Variants in FGF14 observed in about 807,000 individuals in gnomAD.
The protein encoded by FGF14 is fibroblast growth factor 14.
In FGF14, 5 loss-of-function variants were observed where a neutral mutation model predicts 25.5. The ratio of observed to expected loss-of-function variants is 0.20; its 90% CI spans 0.10 to 0.41. The LOEUF (loss-of-function observed/expected upper bound fraction) is 0.41. FGF14 is among the 10% of genes least tolerant of loss of function. The pLI is 1.00. For missense variants in FGF14, 222 were observed against 320.1 expected, an observed-to-expected ratio of 0.69 and a Z score of 2.34; for synonymous variants, 138 against 118.3, an observed-to-expected ratio of 1.17 and a Z score of -1.08.
At chr13:102,349,739 T>G (rs533791577) in intron 1 of FGF14, among the ~76,000 whole-genome samples, 1 of 152,354 alleles carries the variant, frequency 6.6e-6, no homozygotes, top group African/African-American at 2.4e-5. Context: ...TGGTTTTACC[T>G]AAATATAACA....
chr13:102,380,053 T>C (rs1396059990), intron 1 of FGF14, among the ~76,000 whole-genome samples: 1 of 152,012 alleles, frequency 6.6e-6, no homozygotes, highest in Non-Finnish European at 1.5e-5. Flanking sequence ...TAAGCAAAGG[T>C]AAATGTCCCT....
intron 1 of FGF14, among the ~76,000 whole-genome samples, chr13:101,975,841 T>G (rs933760348): frequency 2.6e-5 from 4 of 152,200 alleles, no homozygotes; most frequent in African/African-American, 9.7e-5. Flanking sequence ...CCTGTTTTTG[T>G]GACAGGAGAG....
intron 1 of FGF14, among the ~76,000 whole-genome samples, chr13:102,136,171 ATAT>A (rs773785530): frequency 6.6e-6 from 1 of 152,134 alleles, no homozygotes; most frequent in Non-Finnish European, 1.5e-5. Context: ...AACAATAAAA[ATAT>A]TATTCATATC....
At chr13:102,181,207 GTTC>G (rs2048659205) in intron 1 of FGF14, among the ~76,000 whole-genome samples, 1 of 152,096 alleles carries the variant, frequency 6.6e-6, no homozygotes, top group Non-Finnish European at 1.5e-5. Flanking sequence ...GATTTTCAGT[GTTC>G]TTATTATTAA....
At chr13:102,086,501 T>C (rs534666156) in intron 1 of FGF14, among the ~76,000 whole-genome samples, 3 of 152,136 alleles carry the variant, frequency 2.0e-5, no homozygotes, top group South Asian at 4.2e-4. Context: ...CTGCACTCCA[T>C]CCTGGGCGAC....
intron 1 of FGF14, among the ~76,000 whole-genome samples, chr13:102,278,627 A>AATATATATATATATATATATATAT (rs10578533): frequency 3.3e-4 from 48 of 147,502 alleles, no homozygotes; most frequent in African/African-American, 8.3e-4. Flanking sequence ...CATTTTATGT[A>AATATATATATATATATATATATAT]ATATATATAT....
chr13:101,948,642 T>C (rs956874515), intron 1 of FGF14, among the ~76,000 whole-genome samples: 1 of 151,852 alleles, frequency 6.6e-6, no homozygotes, highest in Non-Finnish European at 1.5e-5. Flanking sequence ...CAATACATAA[T>C]GCTTCCCAAT....
At chr13:101,772,457 T>TA (rs2038838919) in intron 3 of FGF14, among the ~76,000 whole-genome samples, 1 of 152,080 alleles carries the variant, frequency 6.6e-6, no homozygotes, top group Admixed American at 6.6e-5. Flanking sequence ...GATGATTAAT[T>TA]ATGTCTTGGG....
chr13:101,901,301 C>T (rs1249581321), intron 1 of FGF14, among the ~76,000 whole-genome samples: 1 of 152,134 alleles, frequency 6.6e-6, no homozygotes, highest in East Asian at 1.9e-4. Context: ...TGTCTCCCTC[C>T]CACTTCCCAA....
chr13:102,044,583 A>T (rs2041896160), intron 1 of FGF14, among the ~76,000 whole-genome samples: 1 of 152,152 alleles, frequency 6.6e-6, no homozygotes, highest in Admixed American at 6.6e-5. Context: ...GGTGGCTTGG[A>T]GATACTCTGA....
At chr13:101,893,913 A>T (rs1256135424) in intron 1 of FGF14, among the ~76,000 whole-genome samples, 1 of 151,610 alleles carries the variant, frequency 6.6e-6, no homozygotes, top group East Asian at 1.9e-4. Flanking sequence ...TTAGCATCTC[A>T]TGGGGAGGGT....
intron 1 of FGF14, among the ~76,000 whole-genome samples, chr13:102,157,982 C>A (rs2047428449): frequency 6.6e-6 from 1 of 152,320 alleles, no homozygotes; most frequent in African/African-American, 2.4e-5. Context: ...TACCATCTCA[C>A]ACCAGTTAGA....
chr13:101,915,517 A>G (rs1010439808), intron 1 of FGF14, among the ~76,000 whole-genome samples: 7 of 152,182 alleles, frequency 4.6e-5, no homozygotes, highest in African/African-American at 1.7e-4. Flanking sequence ...ATGCTCGCAA[A>G]ACAACCAGCC....
chr13:102,018,416 C>T (rs1256712552), intron 1 of FGF14, among the ~76,000 whole-genome samples: 1 of 152,064 alleles, frequency 6.6e-6, no homozygotes, highest in Non-Finnish European at 1.5e-5. Context: ...CCTTTCCTTC[C>T]TCTTCCTCCT....
At chr13:102,172,881 G>A (rs887829886) in intron 1 of FGF14, among the ~76,000 whole-genome samples, 3 of 152,292 alleles carry the variant, frequency 2.0e-5, no homozygotes, top group African/African-American at 7.2e-5. Flanking sequence ...ATACTGAAGT[G>A]TCAATGGACA....
chr13:102,021,234 A>G (rs2040634326), intron 1 of FGF14, among the ~76,000 whole-genome samples: 1 of 152,078 alleles, frequency 6.6e-6, no homozygotes, highest in Non-Finnish European at 1.5e-5. Flanking sequence ...GGAAGAGCAT[A>G]AGATGGATAG....
intron 3 of FGF14, among the ~76,000 whole-genome samples, chr13:101,784,659 C>T (rs1392007428): frequency 6.6e-6 from 1 of 152,096 alleles, no homozygotes; most frequent in Non-Finnish European, 1.5e-5. Flanking sequence ...ATAATCTTCC[C>T]ATTTCCCAGC....
At chr13:102,359,703 CTCT>C (rs1594943286) in intron 1 of FGF14, among the ~76,000 whole-genome samples, 1 of 152,020 alleles carries the variant, frequency 6.6e-6, no homozygotes, top group Admixed American at 6.6e-5. Context: ...CAGTGAAATT[CTCT>C]TATTAAGTGA....
chr13:102,095,704 T>G (rs1167835733), intron 1 of FGF14, among the ~76,000 whole-genome samples: 2 of 152,146 alleles, frequency 1.3e-5, no homozygotes, highest in Non-Finnish European at 2.9e-5. Flanking sequence ...CCACTTCCAC[T>G]TAATGAAGAG....
Sources: allele counts gnomAD v4.1 joint callset (sites outside exome capture counted in the v4.1 genomes callset), GRCh38; gene constraint gnomAD v4.1.1; transcripts MANE v1.5; gene names NCBI Gene and HGNC (gene_info 2026-07-23, HGNC 2026-07-21).